The following GPC3 variants were observed in gnomAD, a reference collection of about 807,000 sequenced individuals.
The protein encoded by GPC3 is glypican-3.
GPC3 carries 3 observed loss-of-function variants against 34.4 expected under a neutral mutation model. The observed-to-expected ratio is 0.09, with a 90% CI of 0.04 to 0.23. GPC3 has a LOEUF of 0.23. Among genes scored for constraint, GPC3 ranks in the 10% least tolerant of loss-of-function variants. GPC3 has a pLI of 1.00. For synonymous variants in GPC3, 177 were observed against 174.0 expected, an observed-to-expected ratio of 1.02 and a Z score of -0.13; for missense variants, 351 against 445.6, an observed-to-expected ratio of 0.79 and a Z score of 1.91.
intron 3 of GPC3, among the ~76,000 whole-genome samples, chrX:133,753,194 T>C (rs770187067): frequency 4.5e-5 from 5 of 112,341 alleles, no homozygotes; most frequent in African/African-American, 1.6e-4. Flanking sequence ...TGTCATTCCC[T>C]ATGAAGACGA....
intron 2 of GPC3, among the ~76,000 whole-genome samples, chrX:133,899,805 ATTTG>A (rs2076135976): frequency 1.8e-5 from 2 of 111,165 alleles, no homozygotes; most frequent in East Asian, 2.8e-4. Flanking sequence ...TAATTAATTA[ATTTG>A]TTTGTTTTTT....
intron 6 of GPC3, among the ~76,000 whole-genome samples, chrX:133,600,661 T>G (rs981881224): frequency 2.7e-5 from 3 of 111,573 alleles, no homozygotes; most frequent in African/African-American, 9.8e-5. Context: ...CTCCAGAGTG[T>G]TGAAAGAAGG....
intron 2 of GPC3, among the ~76,000 whole-genome samples, chrX:133,854,702 G>A (rs947436535): frequency 6.2e-5 from 7 of 112,444 alleles, no homozygotes; most frequent in Admixed American, 5.7e-4. Flanking sequence ...AGAAATGAAA[G>A]TTCAAACAAT....
intron 2 of GPC3, among the ~76,000 whole-genome samples, chrX:133,926,074 G>A (rs1044140198): frequency 1.3e-4 from 14 of 111,382 alleles, no homozygotes; most frequent in Non-Finnish European, 2.6e-4. Context: ...AGGTATGAGG[G>A]TTGCATTTGA....
chrX:133,857,377 T>C (rs2075908703), intron 2 of GPC3, among the ~76,000 whole-genome samples: 1 of 112,452 alleles, frequency 8.9e-6, no homozygotes, highest in Non-Finnish European at 1.9e-5. Flanking sequence ...AAATTATTGT[T>C]CTTTGGCTCC....
chrX:133,899,917 G>A (rs2076136481), intron 2 of GPC3, among the ~76,000 whole-genome samples: 1 of 110,998 alleles, frequency 9.0e-6, no homozygotes, highest in African/African-American at 3.3e-5. Context: ...ATTCTCTTGC[G>A]TCAGCCTCCT....
At chrX:133,584,088 T>C (rs983528059) in intron 7 of GPC3, among the ~76,000 whole-genome samples, 10 of 112,141 alleles carry the variant, frequency 8.9e-5, no homozygotes, top group Non-Finnish European at 1.7e-4. Context: ...CTCAGATCTC[T>C]TTGCTCACAA....
chrX:133,626,956 A>G (rs1252114890), intron 6 of GPC3, among the ~76,000 whole-genome samples: 1 of 108,887 alleles, frequency 9.2e-6, no homozygotes, highest in East Asian at 2.9e-4. Flanking sequence ...AAAATGTGGC[A>G]CATATACACC....
chrX:133,764,528 A>G (rs1309555072), intron 2 of GPC3, among the ~76,000 whole-genome samples: 3 of 112,085 alleles, frequency 2.7e-5, no homozygotes, highest in Non-Finnish European at 3.8e-5. Context: ...TGTTAAAATT[A>G]GGGAGTTGCT....
chrX:133,647,264 T>C (rs771029878), intron 6 of GPC3, among the ~76,000 whole-genome samples: 7 of 112,713 alleles, frequency 6.2e-5, no homozygotes, highest in African/African-American at 2.3e-4. Context: ...ACTTATTCTA[T>C]ACCAGGCATT....
At chrX:133,865,692 C>T (rs990470908) in intron 2 of GPC3, among the ~76,000 whole-genome samples, 1 of 112,014 alleles carries the variant, frequency 8.9e-6, no homozygotes, top group Non-Finnish European at 1.9e-5. Flanking sequence ...AATTGGTCAG[C>T]AACGAAGCTG....
At chrX:133,574,558 T>C (rs1207014360) in intron 7 of GPC3, among the ~76,000 whole-genome samples, 2 of 112,260 alleles carry the variant, frequency 1.8e-5, no homozygotes, top group Non-Finnish European at 1.9e-5. Flanking sequence ...ATGAACAAAA[T>C]TATATTTTTC....
chrX:133,940,656 C>G (rs2076341706), intron 2 of GPC3, among the ~76,000 whole-genome samples: 1 of 111,573 alleles, frequency 9.0e-6, no homozygotes, highest in Admixed American at 9.5e-5. Context: ...TTCAAGAAGG[C>G]TTAATTTTTT....
chrX:133,885,117 C>T (rs1014505171), intron 2 of GPC3, among the ~76,000 whole-genome samples: 1 of 111,699 alleles, frequency 9.0e-6, no homozygotes, highest in Non-Finnish European at 1.9e-5. Flanking sequence ...CAAAAGATCC[C>T]CCTCTCCAAG....
At chrX:133,858,322 C>T (rs919615277) in intron 2 of GPC3, among the ~76,000 whole-genome samples, 3 of 112,126 alleles carry the variant, frequency 2.7e-5, no homozygotes, top group Non-Finnish European at 5.6e-5. Context: ...CACTCTGGGC[C>T]ATCCAGCTAG....
chrX:133,747,431 T>C (rs370351164), intron 3 of GPC3, among the ~76,000 whole-genome samples: 11 of 112,077 alleles, frequency 9.8e-5, no homozygotes, highest in South Asian at 3.7e-4. Context: ...TGGGAAATAC[T>C]AGAGCAAAAG....
chrX:133,981,726 A>T (rs2076540188), intron 1 of GPC3, among the ~76,000 whole-genome samples: 2 of 112,323 alleles, frequency 1.8e-5, no homozygotes. Context: ...TACGGAGGCT[A>T]GTTCTCACAG....
chrX:133,723,012 G>A (rs749029409), intron 3 of GPC3, among the ~76,000 whole-genome samples: 2 of 111,482 alleles, frequency 1.8e-5, no homozygotes, highest in South Asian at 3.8e-4. Flanking sequence ...TCCTCCGATC[G>A]CTTCTTTTGA....
intron 6 of GPC3, among the ~76,000 whole-genome samples, chrX:133,635,669 G>T (rs2070413672): frequency 9.1e-6 from 1 of 110,279 alleles, no homozygotes; most frequent in African/African-American, 3.3e-5. Flanking sequence ...AGGATTTAAG[G>T]TCAGAAAACC....
Sources: gnomAD v4.1 joint callset for allele counts (sites outside exome capture counted in the v4.1 genomes callset) on GRCh38, gnomAD v4.1.1 for gene constraint, MANE v1.5 for transcripts, NCBI Gene and HGNC (gene_info 2026-07-23, HGNC 2026-07-21) for gene names.